Variants in SNX8 observed in about 807,000 individuals in gnomAD.
SNX8 encodes the protein sorting nexin-8.
A neutral mutation model predicts 51.6 loss-of-function variants in SNX8; 25 were observed. The observed-to-expected ratio is 0.48, with a 90% confidence interval of 0.35 to 0.68. The LOEUF (loss-of-function observed/expected upper bound fraction) is 0.68. Ranked by LOEUF, SNX8 falls within the 30% of genes least tolerant of loss-of-function variation. SNX8 has a pLI of 0.00. For missense variants in SNX8, 695 were observed against 624.0 expected, an observed-to-expected ratio of 1.11 and a Z score of -1.21; for synonymous variants, 324 against 277.0, an observed-to-expected ratio of 1.17 and a Z score of -1.68.
intron 1 of SNX8, among the ~76,000 whole-genome samples, chr7:2,301,067 T>A (rs1796379532): frequency 6.6e-6 from 1 of 152,250 alleles, no homozygotes; most frequent in Non-Finnish European, 1.5e-5. Context: ...GTTTCCTAAC[T>A]TTAAAGTGCA....
rs374855785 is a variant in SNX8 at position 2,336,099 on chromosome 7, T to C, written c.-66+18123A>G. The stretch of plus-strand genomic sequence containing the variant: ...GCCTGGGTGACAGTGTGAAACTCCA[T>C]CTCGAGAAAAAAAAAAAAAGGGCTG... On this transcript the variant is annotated intron_variant, in intron 1 of 5. Transcript: ENST00000435336. Among the ~76,000 whole-genome samples the C allele has an allele frequency of 7.1e-3, 840 of 118,454 alleles. 6 individuals carry two copies. Among genetic ancestry groups the C allele is most frequent in the African/African-American group, 0.02 (642 of 32,346 alleles). The allele number at this position is 118,454 out of a possible 152,430, so 77.7% of individuals were successfully genotyped here. A position where few individuals can be genotyped will look rare whatever the true frequency, so the allele number is the denominator to read the frequency against.
intron 1 of SNX8, among the ~76,000 whole-genome samples, chr7:2,342,402 C>G (rs1778947768): frequency 1.3e-5 from 2 of 152,030 alleles, no homozygotes; most frequent in Admixed American, 1.3e-4. Context: ...GCCTGTAATC[C>G]CAGCACTTTG....
chr7:2,333,848 T>C (rs1157616585), intron 1 of SNX8, among the ~76,000 whole-genome samples: 1 of 152,118 alleles, frequency 6.6e-6, no homozygotes, highest in African/African-American at 2.4e-5. Context: ...ACATAAAAGT[T>C]GGCCAGGCAC....
At chr7:2,321,229 G>A (rs1040196879) in intron 1 of SNX8, among the ~76,000 whole-genome samples, 8 of 151,928 alleles carry the variant, frequency 5.3e-5, no homozygotes, top group South Asian at 4.2e-4. Flanking sequence ...AAACGGTGGG[G>A]GGAATAATCA....
chr7:2,330,164 G>T (rs1347036167), intron 1 of SNX8, among the ~76,000 whole-genome samples: 1 of 136,694 alleles, frequency 7.3e-6, no homozygotes, highest in Non-Finnish European at 1.5e-5. Flanking sequence ...TTGAGACAGG[G>T]TCTCACTCTC....
Position 2,289,560 on chromosome 7 carries a change from T to C in SNX8, c.95-11255A>G, listed in dbSNP as rs79920293. On this transcript the variant is annotated intron_variant, in intron 1 of 10. Transcript: ENST00000222990. ...CTGTTCCATCTAGATGCTTTTCCCT[T>C]TACGTTATAACCACCGTTCCATATT... 4.2e-3 allele frequency among the ~76,000 whole-genome samples: 632 copies of C among 152,274 alleles called. 4 individuals are homozygous for C. Among genetic ancestry groups the C allele is most frequent in the African/African-American group, 0.014 (590 of 41,560 alleles).
chr7:2,269,661 C>A, intron 4 of SNX8, 22 bp from the exon 5 acceptor site: 1 of 1,536,104 alleles, frequency 6.5e-7, no homozygotes. Context: ...AAACACACAG[C>A]TTCACCCTCT....
chr7:2,256,510 C>A (rs745557298), intron 10 of SNX8, among the ~76,000 whole-genome samples: 9 of 152,374 alleles, frequency 5.9e-5, no homozygotes, highest in South Asian at 2.1e-4. Context: ...CCGGCCAGGG[C>A]TCTCTGGAAG....
At chr7:2,304,871 A>T (rs1209285465) in intron 1 of SNX8, among the ~76,000 whole-genome samples, 1 of 152,206 alleles carries the variant, frequency 6.6e-6, no homozygotes. Flanking sequence ...GTCCACCCCC[A>T]GCCTGGACTG....
chr7:2,327,736 G>A (rs1182223497), intron 1 of SNX8, among the ~76,000 whole-genome samples: 6 of 151,124 alleles, frequency 4.0e-5, no homozygotes, highest in Middle Eastern at 3.4e-3. Flanking sequence ...TAGAGACGGG[G>A]TTTCACCGTG....
At chr7:2,263,892 T>G (rs914896833) in intron 6 of SNX8, among the ~76,000 whole-genome samples, 14 of 152,166 alleles carry the variant, frequency 9.2e-5, no homozygotes, top group African/African-American at 3.4e-4. Context: ...TTTTTTTGTA[T>G]TTTTAGTAGA....
Position 2,314,381 on chromosome 7 carries a change from ACTGCAGC to A in SNX8, c.34_40del (p.Ala12SerfsTer77), listed in dbSNP as rs1796719296. 1 of 1,222,158 alleles carries A rather than the reference ACTGCAGC, an allele frequency of 8.2e-7. No homozygotes were observed. Among genetic ancestry groups the A allele is most frequent in the Non-Finnish European group, 1.0e-6 (1 of 981,464 alleles). The allele number at this position is 1,222,158 out of a possible 1,614,324, so 75.7% of individuals were successfully genotyped here. On this transcript the variant is annotated frameshift_variant, in exon 1 of 11. Coordinates refer to ENST00000222990, the MANE Select transcript of SNX8 (RefSeq NM_013321.4). LOFTEE classifies it high-confidence loss of function. ...AGCCTCCGCCTCAGCTGCCGCCCCGACTGCAGCCGCGGGCAGCGGGTCCATCGCGCGG... is the reference window on the plus strand; with the variant it reads ...AGCCTCCGCCTCAGCTGCCGCCCCGACGCGGGCAGCGGGTCCATCGCGCGG...
At chr7:2,299,300 T>G (rs561582173) in intron 1 of SNX8, 3 of 151,856 alleles carry the variant, frequency 2.0e-5, no homozygotes, top group African/African-American at 7.3e-5. Context: ...AAAAAATCAC[T>G]GGTTCCACGT....
chr7:2,338,461 CA>C (rs11352621), intron 1 of SNX8, among the ~76,000 whole-genome samples: 60,594 of 129,104 alleles, frequency 0.47, 13,773 homozygotes, highest in East Asian at 0.59. Flanking sequence ...GACTGTGTCT[CA>C]AAAAAAAAAA....
intron 8 of SNX8, 62 bp from the exon 9 acceptor site, chr7:2,257,576 C>A (rs756661052): frequency 1.9e-6 from 3 of 1,589,482 alleles, no homozygotes; most frequent in Non-Finnish European, 2.6e-6. Context: ...CCCTGCGGAG[C>A]CGGCCGAGGG....
At chr7:2,257,618 T>G (rs1795222884) in intron 8 of SNX8, 104 bp from the exon 9 acceptor site, 2 of 1,563,248 alleles carry the variant, frequency 1.3e-6, no homozygotes, top group South Asian at 2.2e-5. Context: ...GGCCCCGTCT[T>G]CCCCTGCAGC....
At chr7:2,292,649 G>T (rs1366680686) in intron 1 of SNX8, among the ~76,000 whole-genome samples, 1 of 152,022 alleles carries the variant, frequency 6.6e-6, no homozygotes, top group East Asian at 1.9e-4. Flanking sequence ...CTGACCTCAT[G>T]ATCCACCCGC....
chr7:2,287,184 T>A (rs1199569362), intron 1 of SNX8, among the ~76,000 whole-genome samples: 1 of 151,610 alleles, frequency 6.6e-6, no homozygotes, highest in Non-Finnish European at 1.5e-5. Flanking sequence ...GGTCTCGCCA[T>A]GTTGCTCAGG....
chr7:2,298,135 A>C (rs1208457686), intron 1 of SNX8, among the ~76,000 whole-genome samples: 1 of 151,858 alleles, frequency 6.6e-6, no homozygotes, highest in African/African-American at 2.4e-5. Context: ...TTTAGAGAGG[A>C]TCTCGCTCTG....
Sources: gnomAD v4.1 joint callset for allele counts (sites outside exome capture counted in the v4.1 genomes callset) on GRCh38, gnomAD v4.1.1 for gene constraint, MANE v1.5 for transcripts, NCBI Gene and HGNC (gene_info 2026-07-23, HGNC 2026-07-21) for gene names.